Variants in MYO5B observed in about 807,000 individuals in gnomAD.
The protein encoded by MYO5B is myosin VB, also known as unconventional myosin-Vb.
Under a neutral mutation model 229.3 loss-of-function variants are expected in MYO5B, and 143 were observed. The ratio of observed to expected loss-of-function variants is 0.62; its 90% CI spans 0.54 to 0.72. MYO5B has a LOEUF of 0.72. Among genes scored for constraint, MYO5B ranks in the 30% least tolerant of loss-of-function variants. The probability of loss-of-function intolerance (pLI) is 0.00; values close to 1 mark genes in which losing one functional copy is unlikely to be tolerated. For missense variants in MYO5B, 2,321 were observed against 2,331.0 expected, an observed-to-expected ratio of 1.00 and a Z score of 0.09; for synonymous variants, 918 against 885.2, an observed-to-expected ratio of 1.04 and a Z score of -0.66.
At chr18:49,843,180 A>G in intron 34 of MYO5B, 61 bp downstream of exon 34, 1 of 1,601,208 alleles carries the variant, frequency 6.2e-7, no homozygotes, top group Non-Finnish European at 8.5e-7. Flanking sequence ...GAGAAGCAAC[A>G]GTAAGGGGCT....
rs1415258066 is a variant in MYO5B, at chr18:49,892,667, A to C, written c.3045+2274T>G. ...CTTTGATAAATATTATACCCTGAGG[A>C]GGCACAGAAGACAAAACAAAAAAAA... On this transcript the variant is annotated intron_variant, in intron 22 of 39. Coordinates refer to ENST00000285039, the MANE Select transcript of MYO5B (RefSeq NM_001080467.3). 2.6e-5 allele frequency among the ~76,000 whole-genome samples: 4 copies of C among 152,172 alleles called. No homozygotes were observed. In the East Asian group the frequency reaches 7.7e-4, roughly 29 times the overall value.
At chr18:50,126,479 C>CA (rs2032164470) in intron 1 of MYO5B, 1 of 154,994 alleles carries the variant, frequency 6.5e-6, no homozygotes, top group Non-Finnish European at 1.5e-5. Context: ...CAGGGGACCA[C>CA]AAAGTGGGGG....
chr18:50,182,789 T>C (rs1255904863), intron 1 of MYO5B, among the ~76,000 whole-genome samples: 1 of 152,050 alleles, frequency 6.6e-6, no homozygotes, highest in Non-Finnish European at 1.5e-5. Flanking sequence ...GGTGGCTCCT[T>C]GGTGAGGAGA....
At chr18:49,905,377 C>T (rs1250195811) in intron 19 of MYO5B, among the ~76,000 whole-genome samples, 1 of 152,162 alleles carries the variant, frequency 6.6e-6, no homozygotes, top group East Asian at 1.9e-4. Flanking sequence ...GCCATTTCCT[C>T]TCCTCTCTTG....
intron 3 of MYO5B, among the ~76,000 whole-genome samples, chr18:50,038,927 G>A (rs534767868): frequency 6.6e-6 from 1 of 152,306 alleles, no homozygotes; most frequent in South Asian, 2.1e-4. Flanking sequence ...GAGTGAAGGA[G>A]CTTTTGGGAA....
chr18:50,067,730 T>C (rs1470630282), intron 1 of MYO5B, among the ~76,000 whole-genome samples: 1 of 152,156 alleles, frequency 6.6e-6, no homozygotes, highest in African/African-American at 2.4e-5. Flanking sequence ...TCTCCTGCCA[T>C]GAGTGGAAGC....
intron 10 of MYO5B, among the ~76,000 whole-genome samples, chr18:49,963,722 C>A (rs1014053788): frequency 1.9e-4 from 29 of 152,324 alleles, no homozygotes; most frequent in Admixed American, 1.9e-3. Flanking sequence ...GCCACCACAC[C>A]TGGCCTTACC....
intron 2 of MYO5B, among the ~76,000 whole-genome samples, chr18:50,043,683 T>C (rs1243416696): frequency 7.1e-6 from 1 of 139,956 alleles, no homozygotes; most frequent in Non-Finnish European, 1.5e-5. Context: ...TTTATAAATA[T>C]ATATAAATAT....
intron 6 of MYO5B, 74 bp from the exon 7 acceptor site, chr18:49,990,594 G>A (rs920458342): frequency 3.1e-6 from 4 of 1,282,110 alleles, no homozygotes; most frequent in African/African-American, 1.5e-5. Flanking sequence ...TGTAATCCCA[G>A]GGTGCTCCAG....
intron 1 of MYO5B, among the ~76,000 whole-genome samples, chr18:50,059,772 A>G (rs989159445): frequency 1.2e-4 from 18 of 152,248 alleles, no homozygotes; most frequent in African/African-American, 3.9e-4. Flanking sequence ...ATTACTGAGC[A>G]GGGCTGTTTA....
chr18:49,873,201 C>T (rs181547423), intron 26 of MYO5B, among the ~76,000 whole-genome samples: 1 of 152,344 alleles, frequency 6.6e-6, no homozygotes, highest in Non-Finnish European at 1.5e-5. Context: ...TATTTAGCTG[C>T]TATTTGACTT....
At chr18:50,124,014 G>C (rs1790444) in intron 1 of MYO5B, among the ~76,000 whole-genome samples, 129,146 of 152,208 alleles carry the variant, frequency 0.85, 54,941 homozygotes, top group Admixed American at 0.88. Context: ...ATAATTATGT[G>C]TCTATAAATA....
intron 34 of MYO5B, among the ~76,000 whole-genome samples, chr18:49,842,739 G>A (rs1013625656): frequency 6.6e-5 from 10 of 152,168 alleles, no homozygotes; most frequent in African/African-American, 1.9e-4. Context: ...AACACCATGC[G>A]GCAAGCCCTG....
rs76547483 is a variant in MYO5B, at chr18:49,885,174, G to C, written c.3046-4719C>G. 7.8e-3 allele frequency among the ~76,000 whole-genome samples: 1,195 copies of C among 152,280 alleles called. 10 individuals carry two copies. The highest frequency in any genetic ancestry group is 0.027 in the African/African-American group (1,108 of 41,544). ...GAAAACCTAGTCCACACAAAAACTT[G>C]TACGCTGACTGACACAAAGAACAAC... is the stretch of plus-strand genomic sequence containing the variant. On this transcript the variant is annotated intron_variant, in intron 22 of 39. Coordinates refer to ENST00000285039, the MANE Select transcript of MYO5B (RefSeq NM_001080467.3).
intron 1 of MYO5B, among the ~76,000 whole-genome samples, chr18:50,126,157 T>C (rs1331831268): frequency 6.6e-6 from 1 of 152,242 alleles, no homozygotes; most frequent in Non-Finnish European, 1.5e-5. Context: ...AATTGTTATG[T>C]GTATTTTACC....
chr18:49,847,412 G>A, intron 32 of MYO5B, 123 bp from the exon 33 acceptor site: 10 of 1,247,812 alleles, frequency 8.0e-6, no homozygotes, highest in Non-Finnish European at 1.1e-5. Context: ...TCTGGCAGGT[G>A]GAGGATGGCA....
intron 22 of MYO5B, among the ~76,000 whole-genome samples, chr18:49,882,498 C>T (rs4939910): frequency 0.2 from 29,705 of 151,076 alleles, 3,175 homozygotes; most frequent in East Asian, 0.41. Context: ...CGTGGTGGTG[C>T]GTGCCTGTAA....
At chr18:49,997,723 T>A (rs1244556858) in intron 5 of MYO5B, among the ~76,000 whole-genome samples, 1 of 152,090 alleles carries the variant, frequency 6.6e-6, no homozygotes, top group Non-Finnish European at 1.5e-5. Context: ...CCAATCTCAA[T>A]CCATCCTCAA....
chr18:50,056,443 T>C (rs575977336), intron 1 of MYO5B, among the ~76,000 whole-genome samples: 8 of 152,150 alleles, frequency 5.3e-5, no homozygotes, highest in Non-Finnish European at 1.2e-4. Context: ...GTCAGAACAA[T>C]TTCTGCATTT....
Sources: gnomAD v4.1 joint callset for allele counts (sites outside exome capture counted in the v4.1 genomes callset) on GRCh38, gnomAD v4.1.1 for gene constraint, MANE v1.5 for transcripts, NCBI Gene and HGNC (gene_info 2026-07-23, HGNC 2026-07-21) for gene names.